Variants in BCL7B observed in about 807,000 individuals in gnomAD.
BCL7B encodes B-cell CLL/lymphoma 7 protein family member B.
Under a neutral mutation model 26.5 loss-of-function variants are expected in BCL7B, and 11 were observed. That is an observed-to-expected ratio of 0.42 (90% CI 0.26 to 0.69). The LOEUF (loss-of-function observed/expected upper bound fraction) is 0.69, where lower values mean the gene tolerates loss of function less well. Ranked by LOEUF, BCL7B falls within the 30% of genes least tolerant of loss-of-function variation. The pLI is 0.28. For synonymous variants in BCL7B, 111 were observed against 107.9 expected, an observed-to-expected ratio of 1.03 and a Z score of -0.18; for missense variants, 215 against 264.4, an observed-to-expected ratio of 0.81 and a Z score of 1.30.
At chr7:73,543,752 G>A in intron 2 of BCL7B, 108 bp from the exon 3 acceptor site, 1 of 822,012 alleles carries the variant, frequency 1.2e-6, no homozygotes, top group South Asian at 1.5e-5. Context: ...GGACTGAACA[G>A]GAAAAACGAC....
chr7:73,541,120 C>T (rs1791756613), intron 3 of BCL7B, among the ~76,000 whole-genome samples: 2 of 152,164 alleles, frequency 1.3e-5, no homozygotes, highest in Admixed American at 6.5e-5. Flanking sequence ...GCACTGTAGC[C>T]TGGGTGACAT....
At chr7:73,545,897 C>T (rs10264779) in intron 2 of BCL7B, among the ~76,000 whole-genome samples, 9 of 151,928 alleles carry the variant, frequency 5.9e-5, no homozygotes, top group Non-Finnish European at 7.4e-5. Flanking sequence ...TGTGGGAGGC[C>T]GAGGTGGGCC....
At position 73,543,582 on chromosome 7, in the gene BCL7B, G is replaced by C. The variant is rs782629475; in HGVS notation, c.231C>G (p.Ala77=). Residue 77 remains alanine (A), a synonymous_variant, in exon 3 of 6, where the codon GCC becomes GCG. Transcript: ENST00000223368. ...AREPNGFPSD[A]SANSSLLLEF... is the part of the protein sequence containing the mutation. The stretch of plus-strand genomic sequence containing the variant: ...CAAGAAGGAGAGAGGAATTGGCTGA[G>C]GCATCAGAAGGAAAGCCATTAGGTT... The C allele has an allele frequency of 2.5e-6, 4 of 1,613,910 alleles. No homozygotes were observed. Among genetic ancestry groups the C allele is most frequent in the Non-Finnish European group, 3.4e-6 (4 of 1,179,958 alleles).
chr7:73,545,736 C>T (rs1392724005), intron 2 of BCL7B, among the ~76,000 whole-genome samples: 2 of 152,132 alleles, frequency 1.3e-5, no homozygotes, highest in African/African-American at 4.8e-5. Flanking sequence ...AGAGTCCATA[C>T]AGTTGGTGCT....
chr7:73,543,854 G>T, intron 2 of BCL7B: 1 of 503,832 alleles, frequency 2.0e-6, no homozygotes, highest in South Asian at 2.1e-5. Context: ...CTTCCAGCAG[G>T]AATACTGTGA....
At position 73,537,168 on chromosome 7, in the gene BCL7B, T is replaced by A; in HGVS notation, c.*130A>T. The A allele has an allele frequency of 1.2e-6, 1 of 801,044 alleles. No homozygotes were observed. The highest frequency in any genetic ancestry group is 1.7e-5 in the South Asian group (1 of 58,530). 49.6% of individuals were successfully genotyped at this position (801,044 alleles called of 1,614,324 possible). On this transcript the variant is annotated 3_prime_UTR_variant, in exon 6 of 6. Transcript: ENST00000223368. Reference sequence around the variant, plus strand: ...ACAGCCCCAAGTCCTACGCCAGCCTTCCAGCCCGGAAGGCTCATGTGTGCA... The same window carrying A: ...ACAGCCCCAAGTCCTACGCCAGCCTACCAGCCCGGAAGGCTCATGTGTGCA...
intron 1 of BCL7B, among the ~76,000 whole-genome samples, chr7:73,556,785 T>G (rs544760081): frequency 2.6e-5 from 4 of 152,322 alleles, no homozygotes; most frequent in African/African-American, 9.6e-5. Context: ...ACTCTGCTAC[T>G]TGGAAGTGAG....
chr7:73,548,643 G>A (rs944345024), intron 2 of BCL7B, among the ~76,000 whole-genome samples: 1 of 150,990 alleles, frequency 6.6e-6, no homozygotes, highest in Non-Finnish European at 1.5e-5. Flanking sequence ...AATAAAAAAA[G>A]GAGCAGGCCG....
chr7:73,539,907 T>TGG lies in BCL7B; in HGVS notation c.409_410dup (p.Thr138GlnfsTer33). 1 of 1,613,834 alleles carries TGG rather than the reference T, an allele frequency of 6.2e-7. No homozygotes were observed. The highest frequency in any genetic ancestry group is 8.5e-7 in the Non-Finnish European group (1 of 1,179,996). On this transcript the variant is annotated frameshift_variant, in exon 4 of 6. Coordinates refer to ENST00000223368, the MANE Select transcript of BCL7B (RefSeq NM_001707.4). LOFTEE classifies it high-confidence loss of function. ...CCTCCAGGATCTCCTGGCCCAGCGT[T>TGG]GGGGGCTGGGAGTCATCCGTGCGGA...
intron 3 of BCL7B, 124 bp from the exon 4 acceptor site, chr7:73,540,176 C>A: frequency 9.8e-7 from 1 of 1,023,230 alleles, no homozygotes; most frequent in South Asian, 1.6e-5. Context: ...GTATAATAAT[C>A]ATTGTGCCCG....
At chr7:73,543,906 T>C in intron 2 of BCL7B, 1 of 379,350 alleles carries the variant, frequency 2.6e-6, no homozygotes, top group Non-Finnish European at 4.9e-6. Context: ...GACTAGAACA[T>C]CCCATAGTAT....
At chr7:73,544,687 A>G (rs1444485398) in intron 2 of BCL7B, among the ~76,000 whole-genome samples, 2 of 152,144 alleles carry the variant, frequency 1.3e-5, no homozygotes, top group Non-Finnish European at 2.9e-5. Flanking sequence ...ATTTTTACCT[A>G]TAACATTTGT....
At position 73,554,374 on chromosome 7, in the gene BCL7B, G is replaced by T. The variant is rs536192288; in HGVS notation, c.93-2132C>A. On this transcript the variant is annotated intron_variant, in intron 1 of 5. Transcript: ENST00000223368. ...GTACTTGCTGTCAGTAGGAACAAGG[G>T]TCAAATGCAGGGAACTGCTTTGTCA... 1.1e-4 allele frequency among the ~76,000 whole-genome samples: 16 copies of T among 152,118 alleles called. No homozygotes were observed. The East Asian group carries it at 2.7e-3, about 26-fold the overall frequency.
At chr7:73,543,440 A>G in intron 3 of BCL7B, 108 bp downstream of exon 3, 2 of 1,016,564 alleles carry the variant, frequency 2.0e-6, no homozygotes, top group Non-Finnish European at 3.0e-6. Context: ...AGACTCCCAA[A>G]GTGCTGAGGT....
At chr7:73,543,769 G>T in intron 2 of BCL7B, 125 bp from the exon 3 acceptor site, 1 of 709,754 alleles carries the variant, frequency 1.4e-6, no homozygotes, top group Non-Finnish European at 2.4e-6. Flanking sequence ...CGACAGCAGC[G>T]TGAGAATCCA....
intron 1 of BCL7B, 65 bp from the exon 2 acceptor site, chr7:73,552,307 G>T: frequency 7.7e-7 from 1 of 1,298,368 alleles, no homozygotes; most frequent in Non-Finnish European, 1.1e-6. Context: ...CATCACTTGT[G>T]TTTTTCTACT....
chr7:73,545,291 C>G (rs1235595381), intron 2 of BCL7B, among the ~76,000 whole-genome samples: 2 of 152,190 alleles, frequency 1.3e-5, no homozygotes, highest in Non-Finnish European at 2.9e-5. Flanking sequence ...CGGCTCACTG[C>G]AAGCTCCACC....
chr7:73,537,806 T>C (rs1791598010), intron 5 of BCL7B, 128 bp downstream of exon 5: 3 of 618,446 alleles, frequency 4.9e-6, no homozygotes, highest in African/African-American at 1.9e-5. Context: ...GAGAATTGCT[T>C]GAACCCAGGA....
chr7:73,557,622 C>T lies in BCL7B; in HGVS notation c.-44G>A. ...GGGGGCCGGGGCACTGCTCCCAAGACACCGGGGATCGCGCGCCTCACGCGC... is the reference window on the plus strand; with the variant it reads ...GGGGGCCGGGGCACTGCTCCCAAGATACCGGGGATCGCGCGCCTCACGCGC... On this transcript the variant is annotated 5_prime_UTR_variant, in exon 1 of 6. Transcript: ENST00000223368. The T allele has an allele frequency of 8.8e-7, 1 of 1,134,014 alleles. No homozygotes were observed. Among genetic ancestry groups the T allele is most frequent in the Non-Finnish European group, 1.1e-6 (1 of 907,626 alleles). The allele number at this position is 1,134,014 out of a possible 1,614,324, so 70.2% of individuals were successfully genotyped here.
Sources: allele counts gnomAD v4.1 joint callset (sites outside exome capture counted in the v4.1 genomes callset), GRCh38; gene constraint gnomAD v4.1.1; transcripts MANE v1.5; gene names NCBI Gene and HGNC (gene_info 2026-07-23, HGNC 2026-07-21).